Variants in RNF215 observed in about 807,000 individuals in gnomAD.
RNF215 encodes ring finger protein 215.
Under a neutral mutation model 44.8 loss-of-function variants are expected in RNF215, and 41 were observed. The ratio of observed to expected loss-of-function variants is 0.92; its 90% CI spans 0.71 to 1.19. RNF215 has a LOEUF of 1.19. Ranked by LOEUF, RNF215 falls within the 50% of genes most tolerant of loss-of-function variation. The pLI is 0.00. For missense variants in RNF215, 452 were observed against 496.2 expected (o/e 0.91, Z 0.85); for synonymous variants, 218 against 230.1 (o/e 0.95, Z 0.48).
At position 30,384,500 on chromosome 22, in the gene RNF215, G is replaced by A; in HGVS notation, c.588-5C>T. On this transcript the variant is annotated splice_polypyrimidine_tract_variant and splice_region_variant and intron_variant, in intron 4 of 8. Coordinates refer to ENST00000382363, the MANE Select transcript of RNF215 (RefSeq NM_001017981.2). ...TCAGCCGTGGCCTGGGTCCTCCTGG[G>A]AGGGGAAGTCACCGGGGCCAGATGG... 6.2e-7 allele frequency: 1 copy of A among 1,612,604 alleles called. No homozygotes were observed. Among genetic ancestry groups the A allele is most frequent in the Non-Finnish European group, 8.5e-7 (1 of 1,178,996 alleles).
At chr22:30,385,203 CAAG>C (rs1379590263) in intron 4 of RNF215, among the ~76,000 whole-genome samples, 1 of 150,998 alleles carries the variant, frequency 6.6e-6, no homozygotes, top group Non-Finnish European at 1.5e-5. Context: ...GAGTAGATCA[CAAG>C]GTCAGCAGAT....
At chr22:30,385,447 C>G (rs912672737) in intron 4 of RNF215, among the ~76,000 whole-genome samples, 4 of 138,802 alleles carry the variant, frequency 2.9e-5, no homozygotes, top group African/African-American at 8.1e-5. Flanking sequence ...AAAAAGTTAA[C>G]AGTTAGGCCG....
intron 5 of RNF215, among the ~76,000 whole-genome samples, chr22:30,381,763 A>G (rs1601757962): frequency 1.3e-5 from 2 of 152,308 alleles, no homozygotes; most frequent in East Asian, 3.9e-4. Flanking sequence ...CTCTGCTCAC[A>G]GTGGAGGTGC....
In RNF215 at chr22:30,381,345, A is replaced by T. The variant is rs370915971; in HGVS notation, c.745-944T>A. ...TGGAATGAGTGAATTTGGAAAGGAA[A>T]CATGACTGAGAGAACACTTTAAAGC... On this transcript the variant is annotated intron_variant, in intron 5 of 8. Coordinates refer to ENST00000382363, the MANE Select transcript of RNF215 (RefSeq NM_001017981.2). Among the ~76,000 whole-genome samples, 26 of 152,306 alleles carry T rather than the reference A, an allele frequency of 1.7e-4. No individual in the cohort carries two copies. In the East Asian group the frequency reaches 4.3e-3, roughly 25 times the overall value.
In RNF215 at chr22:30,387,033, A is replaced by G. The variant is rs1263446542; in HGVS notation, c.281T>C (p.Leu94Pro). The G allele has an allele frequency of 1.3e-6, 2 of 1,544,278 alleles. No individual in the cohort carries two copies. Among genetic ancestry groups the G allele is most frequent in the South Asian group, 1.2e-5 (1 of 84,506 alleles). Reference protein sequence around the residue: ...DPAPLLGGRLLLMDIVDAEQE... With the variant: ...DPAPLLGGRLPLMDIVDAEQE... ...AGATGGCTCAGCAGCGCTCACCAGC[A>G]GCAGACGACCGCCCAGCAGGGGCGC... is the stretch of plus-strand genomic sequence containing the variant. The change falls in exon 1 of 9, where the codon CTG becomes CCG. Residue 94 changes from leucine (L) to proline (P), a missense_variant. Physicochemically the swap from Leu to Pro is moderately conservative, Grantham distance 98 (BLOSUM62 -3). Transcript: ENST00000382363.
rs752616817 is a variant in RNF215 at position 30,379,796 on chromosome 22, G to A, written c.1026C>T (p.Pro342=). ...FCNKQWLRVL[P]CKHEFHRDCV... ...AGTCTCGGTGAAACTCGTGCTTACA[G>A]GGCAGCACCCGGAGCCACTACAGGG... The change falls in exon 8 of 9, where the codon CCC becomes CCT. Residue 342 remains proline (P), a synonymous_variant. Transcript: ENST00000382363. 5.7e-6 allele frequency: 9 copies of A among 1,571,036 alleles called. No homozygotes were observed. Among genetic ancestry groups the A allele is most frequent in the African/African-American group, 5.4e-5 (4 of 74,084 alleles).
Position 30,387,143 on chromosome 22 carries a change from G to A in RNF215, c.171C>T (p.Ala57=). ...EPAAGAGRGG[A]RAVRVDVRLP... ...GTCTCACGTCCACCCGCACGGCGCG[G>A]GCTCCGCCCCGCCCCGCCCCGGCCG... The change falls in exon 1 of 9, where the codon GCC becomes GCT. Residue 57 remains alanine (A), a synonymous_variant. Transcript: ENST00000382363. The A allele has an allele frequency of 7.0e-7, 1 of 1,428,648 alleles. No homozygotes were observed. Among genetic ancestry groups the A allele is most frequent in the Non-Finnish European group, 9.2e-7 (1 of 1,088,200 alleles). The allele number at this position is 1,428,648 out of a possible 1,614,324, so 88.5% of individuals were successfully genotyped here.
At chr22:30,383,664 A>AGTGTTGG (rs1933557958) in intron 5 of RNF215, among the ~76,000 whole-genome samples, 1 of 152,200 alleles carries the variant, frequency 6.6e-6, no homozygotes, top group Non-Finnish European at 1.5e-5. Context: ...CCTGATGCCA[A>AGTGTTGG]GCGCTGGAAA....
rs143013665 is a variant in RNF215 at position 30,380,128 on chromosome 22, C to T, written c.942G>A (p.Ala314=). ...KTRRCRLSRA[A]QGLPDPGAET... ...CAGCACCCGGATCTGGGAGGCCCTG[C>T]GCTGCCCTGCTCAGCCGGCAGCGCC... Residue 314 remains alanine (A), a synonymous_variant, in exon 7 of 9, where the codon GCG becomes GCA. Transcript: ENST00000382363. This position sits in a 1 kb window ranked among gnomAD's most constrained non-coding sequence, Gnocchi z 5.3. 30 of 1,613,722 alleles carry T rather than the reference C, an allele frequency of 1.9e-5. No homozygotes were observed. Among genetic ancestry groups the T allele is most frequent in the Middle Eastern group, 1.6e-4 (1 of 6,084 alleles).
At chr22:30,385,852 A>G in intron 4 of RNF215, 52 bp downstream of exon 4, 1 of 1,537,064 alleles carries the variant, frequency 6.5e-7, no homozygotes, top group Non-Finnish European at 9.0e-7. Context: ...TGGGAGAACC[A>G]GGGGCTCTCT....
intron 4 of RNF215, among the ~76,000 whole-genome samples, 163 bp downstream of exon 4, chr22:30,385,741 C>A (rs1315194472): frequency 2.0e-5 from 3 of 151,070 alleles, no homozygotes; most frequent in African/African-American, 7.3e-5. Flanking sequence ...GCCGAGATTG[C>A]GCCACTGCAC....
chr22:30,379,421 G>C lies in RNF215; in HGVS notation c.*179C>G, dbSNP rs1032916966. ...CCCAGCCCTAGATCCTCAGTCTGAA[G>C]CTGTGGGGCCCTCCTTCCCAGTGTG... On this transcript the variant is annotated 3_prime_UTR_variant, in exon 9 of 9. Coordinates refer to ENST00000382363, the MANE Select transcript of RNF215 (RefSeq NM_001017981.2). 3 of 709,852 alleles carry C rather than the reference G, an allele frequency of 4.2e-6. No individual in the cohort carries two copies. Among genetic ancestry groups the C allele is most frequent in the Non-Finnish European group, 7.0e-6 (3 of 431,586 alleles). 44.0% of individuals were successfully genotyped at this position (709,852 alleles called of 1,614,324 possible).
chr22:30,382,547 G>A (rs1281194807), intron 5 of RNF215, among the ~76,000 whole-genome samples: 1 of 152,190 alleles, frequency 6.6e-6, no homozygotes, highest in Non-Finnish European at 1.5e-5. Flanking sequence ...CCCATGCCAG[G>A]ACTAAGTGGC....
In RNF215 at chr22:30,386,731, G is replaced by A. The variant is rs1203419243; in HGVS notation, c.314C>T (p.Ala105Val). ...LMDIVDAEQE[A>V]PVEGWIAVAY... ...CACTGCAATCCAGCCTTCCACTGGTGCCTCCTGCTCGGCATCCACGATGTC... is the reference window on the plus strand; with the variant it reads ...CACTGCAATCCAGCCTTCCACTGGTACCTCCTGCTCGGCATCCACGATGTC... The change falls in exon 2 of 9, where the codon GCA (alanine) becomes GTA (valine). Residue 105 changes from alanine (A) to valine (V), a missense_variant. Transcript: ENST00000382363. The A allele has an allele frequency of 6.2e-7, 1 of 1,608,970 alleles. No individual in the cohort carries two copies. The highest frequency in any genetic ancestry group is 2.2e-5 in the East Asian group (1 of 44,876).
intron 5 of RNF215, among the ~76,000 whole-genome samples, chr22:30,383,806 G>C (rs1030455691): frequency 1.3e-5 from 2 of 152,180 alleles, no homozygotes; most frequent in East Asian, 1.9e-4. Flanking sequence ...AAGAGAGAGA[G>C]AGGGAGGGGA....
intron 5 of RNF215, among the ~76,000 whole-genome samples, chr22:30,383,559 C>T (rs1057002343): frequency 1.3e-5 from 2 of 152,216 alleles, no homozygotes; most frequent in African/African-American, 2.4e-5. Context: ...CGGTGGCCAA[C>T]ACCTGCTGGA....
At position 30,380,355 on chromosome 22, in the gene RNF215, A is replaced by G. The variant is rs1246210825; in HGVS notation, c.791T>C (p.Leu264Pro). The G allele has an allele frequency of 3.1e-6, 5 of 1,610,092 alleles. No homozygotes were observed. The highest frequency in any genetic ancestry group is 4.2e-6 in the Non-Finnish European group (5 of 1,177,616). ...CTGGACCACGAGGCCTGTGCACAGG[A>G]GCATGGCCACCAGCAGGATGGCGTT... ...LWNAILLVAM[L>P]LCTGLVVQAQ... Residue 264 changes from leucine to proline, a missense_variant, in exon 6 of 9, where the codon CTC (leucine) becomes CCC (proline). Transcript: ENST00000382363. The surrounding 1 kb of genome is among the most constrained non-coding windows in gnomAD (Gnocchi z 5.3).
chr22:30,380,313 G>T lies in RNF215; in HGVS notation c.833C>A (p.Ser278Ter). 1 of 1,610,976 alleles carries T rather than the reference G, an allele frequency of 6.2e-7. No individual in the cohort carries two copies. Among genetic ancestry groups the T allele is most frequent in the Non-Finnish European group, 8.5e-7 (1 of 1,178,610 alleles). The change falls in exon 6 of 9, where the codon TCG becomes TAG. Residue 278 changes from serine to a stop codon, truncating the protein, a stop_gained. Coordinates refer to ENST00000382363, the MANE Select transcript of RNF215 (RefSeq NM_001017981.2). LOFTEE classifies it high-confidence loss of function. This position sits in a 1 kb window ranked among gnomAD's most constrained non-coding sequence, Gnocchi z 5.3. ...TCCGAGCTCCCGCTGGCTCTGCCGC[G>T]ACGCCTGCCGCTGGGCCTGGACCAC... is the stretch of plus-strand genomic sequence containing the variant. ...GLVVQAQRQA[S>*]RQSQRELGGQ...
Position 30,387,136 on chromosome 22 carries a change from C to T in RNF215, c.178G>A (p.Val60Met). 1 of 1,473,902 alleles carries T rather than the reference C, an allele frequency of 6.8e-7. No individual in the cohort carries two copies. Among genetic ancestry groups the T allele is most frequent in the Non-Finnish European group, 9.0e-7 (1 of 1,113,506 alleles). 91.3% of individuals were successfully genotyped at this position (1,473,902 alleles called of 1,614,324 possible). Residue 60 changes from valine to methionine, a missense_variant, in exon 1 of 9, where the codon GTG becomes ATG. Val to Met is a conservative substitution (Grantham distance 21). Coordinates refer to ENST00000382363, the MANE Select transcript of RNF215 (RefSeq NM_001017981.2). ...AGAGRGGARA[V>M]RVDVRLPRQD... Reference sequence around the variant, plus strand: ...CGCGGCAGTCTCACGTCCACCCGCACGGCGCGGGCTCCGCCCCGCCCCGCC... The same window carrying T: ...CGCGGCAGTCTCACGTCCACCCGCATGGCGCGGGCTCCGCCCCGCCCCGCC...
Sources: gnomAD v4.1 joint callset for allele counts (sites outside exome capture counted in the v4.1 genomes callset) on GRCh38, gnomAD v4.1.1 for gene constraint, Gnocchi (gnomAD v3.1) non-coding constraint, MANE v1.5 for transcripts, NCBI Gene and HGNC (gene_info 2026-07-23, HGNC 2026-07-21) for gene names.